AFDN: variants seen among roughly 807,000 people sequenced by gnomAD.
AFDN encodes afadin, adherens junction formation factor, also known as afadin.
In AFDN, 68 loss-of-function variants were observed where a neutral mutation model predicts 216.6. That is an observed-to-expected ratio of 0.31 (90% CI 0.26 to 0.38). The LOEUF (loss-of-function observed/expected upper bound fraction) is 0.38, where lower values mean the gene tolerates loss of function less well. AFDN is among the 10% of genes least tolerant of loss of function. The probability of loss-of-function intolerance (pLI) is 1.00; values close to 1 mark genes in which losing one functional copy is unlikely to be tolerated. For synonymous variants in AFDN, 868 were observed against 853.7 expected, an observed-to-expected ratio of 1.02 and a Z score of -0.29; for missense variants, 2,136 against 2,342.0, an observed-to-expected ratio of 0.91 and a Z score of 1.82.
At chr6:167,918,966 C>T (rs376088906) in intron 21 of AFDN, 33 bp downstream of exon 21, 22 of 1,574,066 alleles carry the variant, frequency 1.4e-5, no homozygotes, top group South Asian at 5.6e-5. Context: ...GTCTGAGCTA[C>T]GCCCCAGGTT....
chr6:167,833,077 T>G (rs578056427), intron 1 of AFDN, among the ~76,000 whole-genome samples: 1 of 152,310 alleles, frequency 6.6e-6, no homozygotes, highest in South Asian at 2.1e-4. Flanking sequence ...CTTCCTGAAG[T>G]TTATTAGTGC....
chr6:167,914,107 T>G, intron 16 of AFDN, 61 bp from the exon 17 acceptor site: 1 of 1,578,106 alleles, frequency 6.3e-7, no homozygotes, highest in Non-Finnish European at 8.7e-7. Context: ...AGAGCATTCC[T>G]TTATATTTTT....
chr6:167,942,611 G>T (rs926628505), intron 23 of AFDN, among the ~76,000 whole-genome samples: 1 of 152,082 alleles, frequency 6.6e-6, no homozygotes, highest in Admixed American at 6.6e-5. Context: ...TGTGAATTGG[G>T]TCTTGTTGCT....
At chr6:167,956,158 T>C (rs1369277649) in intron 30 of AFDN, among the ~76,000 whole-genome samples, 1 of 150,316 alleles carries the variant, frequency 6.7e-6, no homozygotes, top group Non-Finnish European at 1.5e-5. Flanking sequence ...ATTCTTTTTA[T>C]GTAAGAATTG....
intron 2 of AFDN, among the ~76,000 whole-genome samples, chr6:167,867,452 C>G (rs1234286657): frequency 7.2e-6 from 1 of 139,070 alleles, no homozygotes; most frequent in Admixed American, 7.4e-5. Flanking sequence ...TTTTTTGAGA[C>G]AGAGTCTCAT....
rs1797152437 is a variant in AFDN at position 167,962,605 on chromosome 6, T to C, written c.4968+38T>C. Reference sequence around the variant, plus strand: ...TAAGGGCAGCTAGAATTTTACCAAGTTAGCCTGAACGTAATCGATTGGCTG... The same window carrying C: ...TAAGGGCAGCTAGAATTTTACCAAGCTAGCCTGAACGTAATCGATTGGCTG... On this transcript the variant is annotated intron_variant, in intron 31 of 33. Transcript: ENST00000683244. This position sits in a 1 kb window ranked among gnomAD's most constrained non-coding sequence, Gnocchi z 5.2. 2 of 1,613,490 alleles carry C rather than the reference T, an allele frequency of 1.2e-6. No individual in the cohort carries two copies. The highest frequency in any genetic ancestry group is 4.5e-5 in the East Asian group (2 of 44,878).
intron 5 of AFDN, among the ~76,000 whole-genome samples, chr6:167,878,696 T>C (rs1785729950): frequency 1.3e-5 from 2 of 152,188 alleles, no homozygotes; most frequent in South Asian, 4.1e-4. Flanking sequence ...GATGTGATCA[T>C]GGTCTGGGAA....
chr6:167,864,725 T>C lies in AFDN; in HGVS notation c.280T>C (p.Tyr94His). ...GCTGTCCTCTCCCAAGTATTCACTC[T>C]ATGAAGTGCATGTCAGCGGAGGTCA... ...RMLSSPKYSL[Y>H]EVHVSGERRL... is the part of the protein sequence containing the mutation. Residue 94 changes from tyrosine (Y) to histidine (H), a missense_variant, in exon 2 of 34, where the codon TAT becomes CAT. Physicochemically the swap from Tyr to His is moderately conservative, Grantham distance 83 (BLOSUM62 2). This residue lies in a region of AFDN where 817 missense variants were observed against 965.7 expected (regional missense o/e 0.85). Transcript: ENST00000683244. 1 of 1,614,172 alleles carries C rather than the reference T, an allele frequency of 6.2e-7. No individual in the cohort carries two copies. The highest frequency in any genetic ancestry group is 8.5e-7 in the Non-Finnish European group (1 of 1,180,028).
At chr6:167,832,352 C>T (rs544350482) in intron 1 of AFDN, among the ~76,000 whole-genome samples, 2 of 152,176 alleles carry the variant, frequency 1.3e-5, no homozygotes, top group South Asian at 2.1e-4. Context: ...AGAATTGTAC[C>T]GTCTTTGTTA....
intron 20 of AFDN, among the ~76,000 whole-genome samples, chr6:167,918,187 A>T (rs917748149): frequency 1.3e-5 from 2 of 152,182 alleles, no homozygotes; most frequent in African/African-American, 4.8e-5. Context: ...GAACTTTCCT[A>T]TATGTGGGTA....
intron 1 of AFDN, among the ~76,000 whole-genome samples, chr6:167,835,437 A>G (rs1780318762): frequency 6.6e-6 from 1 of 152,244 alleles, no homozygotes; most frequent in Non-Finnish European, 1.5e-5. Flanking sequence ...ACAATTGCTC[A>G]TATACTTTTT....
chr6:167,840,698 G>A (rs1409434980), intron 1 of AFDN, among the ~76,000 whole-genome samples: 1 of 152,240 alleles, frequency 6.6e-6, no homozygotes, highest in Non-Finnish European at 1.5e-5. Context: ...GTACATGCAA[G>A]TGTACATACT....
intron 27 of AFDN, among the ~76,000 whole-genome samples, chr6:167,947,340 C>T (rs539975950): frequency 4.6e-5 from 7 of 152,126 alleles, no homozygotes; most frequent in South Asian, 2.1e-4. Flanking sequence ...CCACCACGCC[C>T]GGCTAATTTT....
In AFDN at chr6:167,893,671, T is replaced by A. The variant is rs1562623572; in HGVS notation, c.1178-191T>A. The A allele has an allele frequency of 1.6e-5, 9 of 560,668 alleles. No individual in the cohort carries two copies. The South Asian group carries it at 1.8e-4, about 11-fold the overall frequency. The allele number at this position is 560,668 out of a possible 1,614,324, so 34.7% of individuals were successfully genotyped here. A position where few individuals can be genotyped will look rare whatever the true frequency, so the allele number is the denominator to read the frequency against. On this transcript the variant is annotated intron_variant, in intron 8 of 33. Transcript: ENST00000683244. Reference sequence around the variant, plus strand: ...CTGCATTGGTTTCTAAAACACTGACTGGGGCACTAGTATAGTCTTGTCCTC... The same window carrying A: ...CTGCATTGGTTTCTAAAACACTGACAGGGGCACTAGTATAGTCTTGTCCTC...
intron 1 of AFDN, chr6:167,863,752 T>C (rs748053238): frequency 1.9e-6 from 1 of 518,718 alleles, no homozygotes; most frequent in South Asian, 1.4e-5. Flanking sequence ...AGATGATACC[T>C]GTGGAGGGGA....
In AFDN at chr6:167,962,117, T is replaced by C. The variant is rs1413677555; in HGVS notation, c.4834-316T>C. On this transcript the variant is annotated intron_variant, in intron 30 of 33. Transcript: ENST00000683244. The surrounding 1 kb of genome is among the most constrained non-coding windows in gnomAD (Gnocchi z 5.2). The stretch of plus-strand genomic sequence containing the variant: ...TGTTAATTTACATGAACGGGTTAAC[T>C]AAATTTGTTCCAGTAAAAGAATTGT... 1.3e-5 allele frequency among the ~76,000 whole-genome samples: 2 copies of C among 152,230 alleles called. No individual in the cohort carries two copies. The highest frequency in any genetic ancestry group is 3.8e-4 in the East Asian group (2 of 5,202).
chr6:167,913,803 TGGC>T (rs1790707667), intron 16 of AFDN: 1 of 391,706 alleles, frequency 2.6e-6, no homozygotes, highest in Non-Finnish European at 4.6e-6. Context: ...AGTATCAGGG[TGGC>T]TGTGGGTAAC....
intron 31 of AFDN, 30 bp from the exon 32 acceptor site, chr6:167,965,727 C>G (rs1262385480): frequency 6.7e-7 from 1 of 1,501,662 alleles, no homozygotes; most frequent in African/African-American, 1.4e-5. Flanking sequence ...CACCTCTGAC[C>G]TTTGCACTCT....
chr6:167,886,485 G>A (rs28385637), intron 6 of AFDN, among the ~76,000 whole-genome samples: 52,347 of 151,946 alleles, frequency 0.34, 9,774 homozygotes, highest in East Asian at 0.6. Flanking sequence ...GAGCTGGAGG[G>A]TGTTGTGGTG....
Sources: allele counts gnomAD v4.1 joint callset (sites outside exome capture counted in the v4.1 genomes callset), GRCh38; gene constraint gnomAD v4.1.1; regional missense constraint gnomAD v4.1.1; non-coding constraint Gnocchi (gnomAD v3.1); transcripts MANE v1.5; gene names NCBI Gene and HGNC (gene_info 2026-07-23, HGNC 2026-07-21).